The following NELL1 variants were observed in gnomAD, a reference collection of about 807,000 sequenced individuals.
NELL1 encodes neural EGFL like 1, also known as protein kinase C-binding protein NELL1.
A neutral mutation model predicts 107.4 loss-of-function variants in NELL1; 76 were observed. The ratio of observed to expected loss-of-function variants is 0.71; its 90% CI spans 0.59 to 0.86. NELL1 has a LOEUF of 0.86. Ranked by LOEUF, NELL1 falls within the 40% of genes least tolerant of loss-of-function variation. The probability of loss-of-function intolerance (pLI) is 0.00; values close to 1 mark genes in which losing one functional copy is unlikely to be tolerated. For synonymous variants in NELL1, 353 were observed against 341.2 expected, an observed-to-expected ratio of 1.03 and a Z score of -0.38; for missense variants, 1,024 against 1,005.5, an observed-to-expected ratio of 1.02 and a Z score of -0.25.
At chr11:20,923,101 C>T (rs1407608054) in intron 7 of NELL1, among the ~76,000 whole-genome samples, 1 of 152,066 alleles carries the variant, frequency 6.6e-6, no homozygotes, top group Admixed American at 6.6e-5. Context: ...TCTAGGAGTC[C>T]TGGAAAACAG....
intron 12 of NELL1, among the ~76,000 whole-genome samples, chr11:21,062,441 G>T (rs1245561293): frequency 6.6e-6 from 1 of 152,154 alleles, no homozygotes; most frequent in East Asian, 1.9e-4. Flanking sequence ...AGCCACAGTT[G>T]TCAATCCAGT....
intron 2 of NELL1, among the ~76,000 whole-genome samples, chr11:20,687,902 T>G (rs1854348562): frequency 6.6e-6 from 1 of 152,096 alleles, no homozygotes; most frequent in Non-Finnish European, 1.5e-5. Flanking sequence ...CTTCTCTAAC[T>G]AAAATTAAAT....
intron 13 of NELL1, among the ~76,000 whole-genome samples, chr11:21,142,354 T>C (rs1250204205): frequency 6.6e-6 from 1 of 152,232 alleles, no homozygotes; most frequent in Non-Finnish European, 1.5e-5. Flanking sequence ...CATGCCTTCC[T>C]GTTGTTCTAC....
intron 18 of NELL1, among the ~76,000 whole-genome samples, chr11:21,571,956 C>T (rs923878322): frequency 6.6e-6 from 1 of 151,810 alleles, no homozygotes; most frequent in Non-Finnish European, 1.5e-5. Flanking sequence ...AAATTATGCT[C>T]TAAATTTCCA....
At chr11:21,295,567 A>G (rs760514485) in intron 14 of NELL1, among the ~76,000 whole-genome samples, 18 of 152,088 alleles carry the variant, frequency 1.2e-4, no homozygotes, top group Non-Finnish European at 1.5e-5. Context: ...TTTGTAAGAA[A>G]TGTAGCCAGT....
intron 12 of NELL1, 66 bp from the exon 13 acceptor site, chr11:21,113,523 C>T: frequency 6.8e-7 from 1 of 1,477,718 alleles, no homozygotes; most frequent in South Asian, 1.2e-5. Context: ...AATTTATCTG[C>T]AAAATGATTA....
intron 12 of NELL1, among the ~76,000 whole-genome samples, chr11:20,963,064 A>C (rs1851320980): frequency 6.6e-6 from 1 of 152,138 alleles, no homozygotes; most frequent in African/African-American, 2.4e-5. Flanking sequence ...TGCCATCTTC[A>C]GCATTTGAAC....
chr11:21,060,125 T>C (rs1329334959), intron 12 of NELL1, among the ~76,000 whole-genome samples: 1 of 152,108 alleles, frequency 6.6e-6, no homozygotes, highest in East Asian at 1.9e-4. Context: ...GACCATGCTG[T>C]CACCATTCAT....
intron 14 of NELL1, among the ~76,000 whole-genome samples, chr11:21,274,145 A>G (rs957974303): frequency 1.3e-5 from 2 of 152,236 alleles, no homozygotes; most frequent in African/African-American, 4.8e-5. Context: ...AGTGTGCTGT[A>G]TTCAGGAAAC....
intron 13 of NELL1, among the ~76,000 whole-genome samples, chr11:21,161,507 A>T (rs1270847933): frequency 1.3e-5 from 2 of 152,190 alleles, no homozygotes; most frequent in African/African-American, 4.8e-5. Context: ...ACTGCATTCC[A>T]GCCTGGGTGA....
At chr11:21,028,796 T>C (rs1307607153) in intron 12 of NELL1, among the ~76,000 whole-genome samples, 1 of 152,220 alleles carries the variant, frequency 6.6e-6, no homozygotes, top group African/African-American at 2.4e-5. Context: ...ATGTCTCTAA[T>C]GATTTATTTT....
At chr11:20,798,868 A>G (rs78913436) in intron 3 of NELL1, among the ~76,000 whole-genome samples, 5,125 of 152,264 alleles carry the variant, frequency 0.034, 285 homozygotes, top group African/African-American at 0.12. Context: ...TCTGCTTTGG[A>G]CACTTATCTG....
In NELL1 at chr11:21,096,597, A is replaced by G. The variant is rs1301812643; in HGVS notation, c.1301-16992A>G. 3.9e-5 allele frequency among the ~76,000 whole-genome samples: 6 copies of G among 152,256 alleles called. No individual in the cohort carries two copies. The East Asian group carries it at 1.2e-3, about 29-fold the overall frequency. ...CCCCTCATTTGTTGAGGTCTTTGGC[A>G]CCTACCTGCTCAGGCTTTATCTCTA... On this transcript the variant is annotated intron_variant, in intron 12 of 19. Coordinates refer to ENST00000357134, the MANE Select transcript of NELL1 (RefSeq NM_006157.5).
At chr11:21,473,303 G>A (rs558869409) in intron 15 of NELL1, among the ~76,000 whole-genome samples, 1 of 151,990 alleles carries the variant, frequency 6.6e-6, no homozygotes, top group Admixed American at 6.6e-5. Flanking sequence ...GGATCTCTAG[G>A]CCAGCAACCC....
chr11:21,133,128 G>A (rs1855663211), intron 13 of NELL1, among the ~76,000 whole-genome samples: 1 of 152,142 alleles, frequency 6.6e-6, no homozygotes. Flanking sequence ...CAGCTTAAGA[G>A]AAGACCTGTG....
intron 15 of NELL1, among the ~76,000 whole-genome samples, chr11:21,465,282 A>C: frequency 6.6e-6 from 1 of 152,112 alleles, no homozygotes; most frequent in East Asian, 1.9e-4. Flanking sequence ...GAATTATGAT[A>C]CAAAGTATTG....
intron 3 of NELL1, among the ~76,000 whole-genome samples, chr11:20,808,748 G>A (rs796300305): frequency 4.6e-5 from 7 of 152,280 alleles, no homozygotes; most frequent in African/African-American, 1.7e-4. Context: ...CTCACTGTGG[G>A]CATTGGCTGA....
intron 16 of NELL1, among the ~76,000 whole-genome samples, chr11:21,552,646 G>A (rs1227927841): frequency 6.6e-6 from 1 of 151,706 alleles, no homozygotes; most frequent in Admixed American, 6.6e-5. Context: ...TTCAAATTAG[G>A]GGGCAGCCCC....
chr11:21,009,311 A>C (rs755704038), intron 12 of NELL1, among the ~76,000 whole-genome samples: 1 of 152,144 alleles, frequency 6.6e-6, no homozygotes, highest in African/African-American at 2.4e-5. Flanking sequence ...TCATCCATTC[A>C]GCTAACAGTA....
Sources: allele counts gnomAD v4.1 joint callset (sites outside exome capture counted in the v4.1 genomes callset), GRCh38; gene constraint gnomAD v4.1.1; transcripts MANE v1.5; gene names NCBI Gene and HGNC (gene_info 2026-07-23, HGNC 2026-07-21).